The following SLC1A2 variants were observed in gnomAD, a reference collection of about 807,000 sequenced individuals.
SLC1A2 encodes the protein solute carrier family 1 member 2.
A neutral mutation model predicts 48.8 loss-of-function variants in SLC1A2; 15 were observed. The ratio of observed to expected loss-of-function variants is 0.31; its 90% CI spans 0.21 to 0.47. The LOEUF (loss-of-function observed/expected upper bound fraction) is 0.47. Among genes scored for constraint, SLC1A2 ranks in the 20% least tolerant of loss-of-function variants. SLC1A2 has a pLI of 0.99. For missense variants in SLC1A2, 502 were observed against 730.5 expected (o/e 0.69, Z 3.61); for synonymous variants, 279 against 272.6 (o/e 1.02, Z -0.23).
intron 9 of SLC1A2, among the ~76,000 whole-genome samples, chr11:35,276,670 C>G (rs1375494789): frequency 6.6e-6 from 1 of 152,150 alleles, no homozygotes; most frequent in Non-Finnish European, 1.5e-5. Context: ...GGCTTGAAAA[C>G]AAGTGACTGC....
At chr11:35,333,664 CT>C (rs201614526) in intron 1 of SLC1A2, among the ~76,000 whole-genome samples, 8,513 of 150,792 alleles carry the variant, frequency 0.056, 358 homozygotes, top group African/African-American at 0.12. Flanking sequence ...TTTTCTTTCT[CT>C]TTTTTTTTCC....
At chr11:35,279,928 A>G (rs1328273692) in intron 9 of SLC1A2, among the ~76,000 whole-genome samples, 1 of 152,182 alleles carries the variant, frequency 6.6e-6, no homozygotes, top group Non-Finnish European at 1.5e-5. Flanking sequence ...GCCTCTCTCT[A>G]TCACTATGCT....
intron 9 of SLC1A2, among the ~76,000 whole-genome samples, chr11:35,267,936 T>TCTATTGC (rs1850148868): frequency 6.6e-6 from 1 of 152,238 alleles, no homozygotes; most frequent in Non-Finnish European, 1.5e-5. Flanking sequence ...TACATAATTG[T>TCTATTGC]CTATTGCCCT....
intron 1 of SLC1A2, among the ~76,000 whole-genome samples, chr11:35,383,571 T>C (rs1448940627): frequency 2.0e-5 from 3 of 152,236 alleles, no homozygotes; most frequent in Non-Finnish European, 4.4e-5. Flanking sequence ...TGTGTTTCAG[T>C]TTCCCTGTCT....
At chr11:35,381,499 C>G (rs1428310069) in intron 1 of SLC1A2, among the ~76,000 whole-genome samples, 1 of 152,128 alleles carries the variant, frequency 6.6e-6, no homozygotes, top group Non-Finnish European at 1.5e-5. Flanking sequence ...CCTGCTGAAT[C>G]CCTAGACATC....
intron 9 of SLC1A2, among the ~76,000 whole-genome samples, chr11:35,272,332 G>A (rs991202900): frequency 6.6e-6 from 1 of 152,214 alleles, no homozygotes; most frequent in African/African-American, 2.4e-5. Flanking sequence ...GGACGTTAAA[G>A]GGGATCTGTT....
rs923154316 is a variant in SLC1A2 at position 35,254,522 on chromosome 11, G to T, written c.*6372C>A. 6.8e-6 allele frequency: 2 copies of T among 293,236 alleles called. No individual in the cohort carries two copies. The highest frequency in any genetic ancestry group is 1.3e-5 in the Non-Finnish European group (2 of 149,984). The allele number at this position is 293,236 out of a possible 1,614,324, so 18.2% of individuals were successfully genotyped here. On this transcript the variant is annotated 3_prime_UTR_variant, in exon 11 of 11. Coordinates refer to ENST00000278379, the MANE Select transcript of SLC1A2 (RefSeq NM_004171.4). ...ACTTCCTTGGCTAGTGTGTGTATTT[G>T]CCCCCTAGCAAAGGCAACAGGCTGT...
intron 9 of SLC1A2, among the ~76,000 whole-genome samples, chr11:35,276,563 G>A (rs1355760086): frequency 6.6e-6 from 1 of 152,180 alleles, no homozygotes; most frequent in East Asian, 1.9e-4. Context: ...TGCATGGGGT[G>A]ATCTGGGAGG....
intron 9 of SLC1A2, among the ~76,000 whole-genome samples, chr11:35,278,386 C>T (rs1850516307): frequency 6.6e-6 from 1 of 150,798 alleles, no homozygotes; most frequent in Non-Finnish European, 1.5e-5. Context: ...AGTGATTCTC[C>T]TGCCTTAGCC....
intron 1 of SLC1A2, among the ~76,000 whole-genome samples, chr11:35,386,999 G>C (rs1374139339): frequency 6.6e-6 from 1 of 151,966 alleles, no homozygotes; most frequent in Non-Finnish European, 1.5e-5. Flanking sequence ...TGAACTTCTA[G>C]AATCAAGCAA....
chr11:35,359,326 A>G (rs990579344), intron 1 of SLC1A2, among the ~76,000 whole-genome samples: 13 of 152,228 alleles, frequency 8.5e-5, no homozygotes, highest in Non-Finnish European at 1.9e-4. Context: ...GGGTTCTTCA[A>G]TTCTTCAAGA....
chr11:35,331,575 T>G (rs751606785), intron 1 of SLC1A2, among the ~76,000 whole-genome samples: 2 of 152,192 alleles, frequency 1.3e-5, no homozygotes, highest in Admixed American at 1.3e-4. Flanking sequence ...TATTTATCAC[T>G]CTGGTAGCTT....
Position 35,286,780 on chromosome 11 carries a change from A to C in SLC1A2, c.1263T>G (p.Asp421Glu), listed in dbSNP as rs759744010. 2 of 1,613,510 alleles carry C rather than the reference A, an allele frequency of 1.2e-6. No homozygotes were observed. The highest frequency in any genetic ancestry group is 1.1e-5 in the South Asian group (1 of 91,016). ...FIAQMNGVVL[D>E]GGQIVTVSLT... ...ACCTTACAGTCACAATCTGTCCTCC[A>C]TCCAGGACAACACCATTCATTTGGG... The change falls in exon 8 of 11, where the codon GAT becomes GAG. Residue 421 changes from aspartate to glutamate, a missense_variant. Physicochemically the swap from Asp to Glu is conservative, Grantham distance 45. Transcript: ENST00000278379.
intron 1 of SLC1A2, among the ~76,000 whole-genome samples, chr11:35,392,655 C>G (rs1175767462): frequency 2.6e-5 from 4 of 152,216 alleles, no homozygotes; most frequent in Non-Finnish European, 5.9e-5. Context: ...GGTTCCCACA[C>G]TCTTTTTCCC....
intron 1 of SLC1A2, among the ~76,000 whole-genome samples, chr11:35,337,571 A>G (rs1852679511): frequency 6.6e-6 from 1 of 152,196 alleles, no homozygotes; most frequent in East Asian, 1.9e-4. Context: ...CTACACCTGC[A>G]TGTTCAAATG....
At position 35,338,556 on chromosome 11, in the gene SLC1A2, G is replaced by C. The variant is rs571922705; in HGVS notation, c.18-21040C>G. Among the ~76,000 whole-genome samples the C allele has an allele frequency of 1.3e-3, 200 of 152,248 alleles. 11 individuals are homozygous for C. The South Asian group carries it at 0.039, about 30-fold the overall frequency. The stretch of plus-strand genomic sequence containing the variant: ...TTTGGCTAGAAAAAGTGGGAAGGAG[G>C]AGCTCTTCTTTGCTGAGGTTTCTTA... On this transcript the variant is annotated intron_variant, in intron 1 of 10. Coordinates refer to ENST00000278379, the MANE Select transcript of SLC1A2 (RefSeq NM_004171.4).
At chr11:35,398,859 G>A (rs1452449132) in intron 1 of SLC1A2, among the ~76,000 whole-genome samples, 2 of 152,172 alleles carry the variant, frequency 1.3e-5, no homozygotes, top group Non-Finnish European at 2.9e-5. Context: ...TCGTACCGCT[G>A]CCCAACTGCG....
At chr11:35,269,355 T>A (rs1052032069) in intron 9 of SLC1A2, among the ~76,000 whole-genome samples, 1 of 152,228 alleles carries the variant, frequency 6.6e-6, no homozygotes, top group East Asian at 1.9e-4. Flanking sequence ...TTCTCAACCA[T>A]AATTTTTCTC....
intron 1 of SLC1A2, among the ~76,000 whole-genome samples, chr11:35,321,157 A>G (rs906396334): frequency 6.6e-6 from 1 of 152,214 alleles, no homozygotes; most frequent in African/African-American, 2.4e-5. Context: ...AGATATTGTG[A>G]TAACTCACTC....
Sources: gnomAD v4.1 joint callset for allele counts (sites outside exome capture counted in the v4.1 genomes callset) on GRCh38, gnomAD v4.1.1 for gene constraint, MANE v1.5 for transcripts, NCBI Gene and HGNC (gene_info 2026-07-23, HGNC 2026-07-21) for gene names.